The following STPG2 variants were observed in gnomAD, a reference collection of about 807,000 sequenced individuals.
The protein encoded by STPG2 is sperm-tail PG-rich repeat-containing protein 2.
In STPG2, 56 loss-of-function variants were observed where a neutral mutation model predicts 54.2. The observed-to-expected ratio is 1.03, with a 90% CI of 0.83 to 1.29. The LOEUF is 1.29. STPG2 is among the 50% of genes most tolerant of loss of function. The pLI, the probability that STPG2 is intolerant of heterozygous loss-of-function variation, is 0.00. For missense variants in STPG2, 596 were observed against 544.9 expected (o/e 1.09, Z -0.93); for synonymous variants, 200 against 181.8 (o/e 1.10, Z -0.81).
At chr4:97,744,988 C>G (rs1255704196) in intron 9 of STPG2, among the ~76,000 whole-genome samples, 1 of 151,220 alleles carries the variant, frequency 6.6e-6, no homozygotes, top group Non-Finnish European at 1.5e-5. Context: ...AAGTGTTACT[C>G]CAGTTACTAA....
chr4:97,700,676 C>T (rs747337947), intron 10 of STPG2, among the ~76,000 whole-genome samples: 10 of 152,126 alleles, frequency 6.6e-5, no homozygotes, highest in African/African-American at 2.4e-4. Context: ...TGATATCTTG[C>T]GGAAGTGGAA....
intron 6 of STPG2, 117 bp downstream of exon 6, chr4:97,981,042 A>G (rs1243397935): frequency 1.8e-6 from 2 of 1,090,090 alleles, no homozygotes; most frequent in Non-Finnish European, 2.6e-6. Flanking sequence ...GTTGACTTAA[A>G]ATGACACCAA....
At chr4:97,482,096 T>A (rs374264575) in intron 4 of STPG2, among the ~76,000 whole-genome samples, 2 of 151,644 alleles carry the variant, frequency 1.3e-5, no homozygotes, top group African/African-American at 4.8e-5. Flanking sequence ...GATAATCATT[T>A]TTTTCTTTTT....
At chr4:98,072,485 C>T (rs1183033909) in intron 5 of STPG2, among the ~76,000 whole-genome samples, 1 of 151,942 alleles carries the variant, frequency 6.6e-6, no homozygotes, top group Non-Finnish European at 1.5e-5. Context: ...TTGGTCTGTG[C>T]AGCAAACCAC....
chr4:98,114,765 T>TTTG (rs1553943344), intron 3 of STPG2, among the ~76,000 whole-genome samples: 3 of 148,780 alleles, frequency 2.0e-5, no homozygotes, highest in African/African-American at 7.4e-5. Flanking sequence ...TTTTTTTTTT[T>TTTG]TGTGTGTGTG....
Position 97,912,637 on chromosome 4 carries a change from TG to T in STPG2, c.1044+31259del, listed in dbSNP as rs980607924. On this transcript the variant is annotated intron_variant, in intron 8 of 10. Coordinates refer to ENST00000295268, the MANE Select transcript of STPG2 (RefSeq NM_174952.3). ...ATAGAGAGAAAAGAATGAGAAGGAA[TG>T]AACAAAAAAGAATGAAAAGGAATAA... is the stretch of plus-strand genomic sequence containing the variant. 2.2e-4 allele frequency among the ~76,000 whole-genome samples: 34 copies of T among 151,854 alleles called. 1 individual carries two copies. Among genetic ancestry groups the T allele is most frequent in the African/African-American group, 7.5e-4 (31 of 41,420 alleles).
chr4:97,736,199 A>G (rs1358625587), intron 9 of STPG2, among the ~76,000 whole-genome samples: 2 of 152,212 alleles, frequency 1.3e-5, no homozygotes, highest in African/African-American at 4.8e-5. Context: ...TATATACCCA[A>G]AGAAAATAAA....
intron 5 of STPG2, among the ~76,000 whole-genome samples, chr4:98,026,984 A>G (rs1261048164): frequency 1.3e-5 from 2 of 152,224 alleles, no homozygotes; most frequent in African/African-American, 4.8e-5. Context: ...CCTGAATCTT[A>G]TCAGATACAC....
intron 8 of STPG2, among the ~76,000 whole-genome samples, chr4:97,935,672 T>G (rs886146869): frequency 3.3e-5 from 5 of 152,192 alleles, no homozygotes; most frequent in African/African-American, 1.2e-4. Flanking sequence ...ATGTTCAACT[T>G]CCATGTAGTG....
intron 6 of STPG2, among the ~76,000 whole-genome samples, chr4:97,978,248 G>T (rs115515703): frequency 0.021 from 3,138 of 152,232 alleles, 121 homozygotes; most frequent in Admixed American, 0.1. Flanking sequence ...ATTCACAACA[G>T]CAAAGACATG....
chr4:97,509,701 CAAG>C, intron 4 of STPG2, among the ~76,000 whole-genome samples: 1 of 151,982 alleles, frequency 6.6e-6, no homozygotes, highest in African/African-American at 2.4e-5. Flanking sequence ...AAAATACTGA[CAAG>C]GCTTTCTCTA....
intron 4 of STPG2, among the ~76,000 whole-genome samples, chr4:97,521,891 C>T (rs988696136): frequency 6.6e-6 from 1 of 151,826 alleles, no homozygotes; most frequent in Non-Finnish European, 1.5e-5. Context: ...AGGTGAATAA[C>T]CCAGGCCCAG....
chr4:97,912,304 T>C (rs1373888270), intron 8 of STPG2, among the ~76,000 whole-genome samples: 7 of 152,204 alleles, frequency 4.6e-5, no homozygotes, highest in Non-Finnish European at 1.5e-5. Flanking sequence ...GGCACAGAAC[T>C]GGGCTGAGGC....
rs553299316 is a variant in STPG2, at chr4:98,140,072, A to G, written c.109+2970T>C. Among the ~76,000 whole-genome samples, 23 of 152,354 alleles carry G rather than the reference A, an allele frequency of 1.5e-4. No homozygotes were observed. The South Asian group carries it at 4.8e-3, about 32-fold the overall frequency. ...AGGAGTCAGAGAAGAAAAACCTGAG[A>G]AAGAGTAGTCAGTGAACAACTTCAC... On this transcript the variant is annotated intron_variant, in intron 1 of 10. Coordinates refer to ENST00000295268, the MANE Select transcript of STPG2 (RefSeq NM_174952.3).
intron 4 of STPG2, among the ~76,000 whole-genome samples, chr4:97,447,609 AG>A: frequency 6.6e-6 from 1 of 152,198 alleles, no homozygotes; most frequent in Non-Finnish European, 1.5e-5. Flanking sequence ...GTTGCTTCAG[AG>A]GGTGCAAGCT....
chr4:97,662,460 T>G (rs1300237356), intron 10 of STPG2, among the ~76,000 whole-genome samples: 1 of 152,170 alleles, frequency 6.6e-6, no homozygotes, highest in Non-Finnish European at 1.5e-5. Flanking sequence ...TGGAGATTTC[T>G]CAAAGAAATT....
chr4:97,718,299 C>A (rs1045014794), intron 9 of STPG2, among the ~76,000 whole-genome samples: 1 of 151,972 alleles, frequency 6.6e-6, no homozygotes, highest in Non-Finnish European at 1.5e-5. Flanking sequence ...TAAAGAAAAT[C>A]ACTAATTTAT....
intron 9 of STPG2, among the ~76,000 whole-genome samples, chr4:97,758,295 T>A (rs1725789540): frequency 6.6e-6 from 1 of 152,158 alleles, no homozygotes. Context: ...TTTATAAAAA[T>A]CATTCTACTA....
chr4:97,607,151 G>A (rs1445018570), intron 10 of STPG2, among the ~76,000 whole-genome samples: 1 of 151,904 alleles, frequency 6.6e-6, no homozygotes, highest in African/African-American at 2.4e-5. Context: ...TTAAAATTTT[G>A]TATTACTGCA....
Sources: gnomAD v4.1 joint callset for allele counts (sites outside exome capture counted in the v4.1 genomes callset) on GRCh38, gnomAD v4.1.1 for gene constraint, MANE v1.5 for transcripts, NCBI Gene and HGNC (gene_info 2026-07-23, HGNC 2026-07-21) for gene names.